Variants in SCUBE1 observed in about 807,000 individuals in gnomAD.
SCUBE1 encodes signal peptide, CUB domain and EGF like domain containing 1.
SCUBE1 carries 59 observed loss-of-function variants against 124.4 expected under a neutral mutation model. That is an observed-to-expected ratio of 0.47 (90% CI 0.38 to 0.59). The LOEUF (loss-of-function observed/expected upper bound fraction) is 0.59. Among genes scored for constraint, SCUBE1 ranks in the 20% least tolerant of loss-of-function variants. SCUBE1 has a pLI of 0.00. For synonymous variants in SCUBE1, 545 were observed against 550.9 expected, an observed-to-expected ratio of 0.99 and a Z score of 0.15; for missense variants, 1,150 against 1,371.2, an observed-to-expected ratio of 0.84 and a Z score of 2.55.
At chr22:43,226,226 C>T (rs139008) in intron 10 of SCUBE1, among the ~76,000 whole-genome samples, 1 of 151,864 alleles carries the variant, frequency 6.6e-6, no homozygotes, top group African/African-American at 2.4e-5. Context: ...GATGGACAGA[C>T]AGACAGACAT....
Position 43,228,982 on chromosome 22 carries a change from C to G in SCUBE1, c.1084+90G>C, listed in dbSNP as rs1200655448. 4.0e-5 allele frequency: 37 copies of G among 914,292 alleles called. No individual in the cohort carries two copies. The Admixed American group carries it at 7.4e-4, about 18-fold the overall frequency. 56.6% of individuals were successfully genotyped at this position (914,292 alleles called of 1,614,324 possible). On this transcript the variant is annotated intron_variant, in intron 9 of 21. Coordinates refer to ENST00000360835, the MANE Select transcript of SCUBE1 (RefSeq NM_173050.5). Reference sequence around the variant, plus strand: ...GCCTCAGGCCCCCCAGGGTTGAGGGCAGGGTTGGGATGCGGGGTGCAGTGT... The same window carrying G: ...GCCTCAGGCCCCCCAGGGTTGAGGGGAGGGTTGGGATGCGGGGTGCAGTGT...
intron 3 of SCUBE1, among the ~76,000 whole-genome samples, chr22:43,299,700 T>C (rs570859676): frequency 6.6e-6 from 1 of 152,334 alleles, no homozygotes; most frequent in African/African-American, 2.4e-5. Flanking sequence ...TTTTAGTATA[T>C]TCACCGTGTT....
chr22:43,316,278 G>C (rs1329146103), intron 3 of SCUBE1, among the ~76,000 whole-genome samples: 1 of 152,200 alleles, frequency 6.6e-6, no homozygotes, highest in Non-Finnish European at 1.5e-5. Flanking sequence ...AGCTGATAGA[G>C]AAGGGCTAGA....
intron 7 of SCUBE1, 60 bp downstream of exon 7, chr22:43,238,778 A>T (rs753226251): frequency 3.6e-6 from 5 of 1,385,662 alleles, no homozygotes; most frequent in Non-Finnish European, 5.1e-6. Flanking sequence ...ATGCAAGCAC[A>T]CGGAGGCTCT....
chr22:43,231,841 G>A lies in SCUBE1; in HGVS notation c.879C>T (p.Cys293=), dbSNP rs763996870. The change falls in exon 8 of 22, where the codon TGC becomes TGT. Residue 293 remains cysteine, a synonymous_variant. Transcript: ENST00000360835. The part of the protein sequence containing the change: ...INECLVNNGG[C]DHFCRNTVGS... ...CCACGGTGTTGCGGCAGAAGTGGTC[G>A]CAGCCTCCGTTGTTGACCAGGCACT... is the stretch of plus-strand genomic sequence containing the variant. The A allele has an allele frequency of 1.2e-5, 20 of 1,613,528 alleles. No individual in the cohort carries two copies. Among genetic ancestry groups the A allele is most frequent in the Admixed American group, 8.3e-5 (5 of 60,008 alleles).
rs117148007 is a variant in SCUBE1 at position 43,198,899 on chromosome 22, G to A, written c.*5098C>T. 1,788 of 375,208 alleles carry A rather than the reference G, an allele frequency of 4.8e-3. 19 individuals carry two copies. The highest frequency in any genetic ancestry group is 0.041 in the East Asian group (562 of 13,692). The allele number at this position is 375,208 out of a possible 1,614,324, so 23.2% of individuals were successfully genotyped here. ...TGGGGCAGTTTGCTGTCTGCTTTCC[G>A]GGGCAGTTTGTCTGTCTGCTGTCTG... On this transcript the variant is annotated 3_prime_UTR_variant, in exon 22 of 22. Transcript: ENST00000360835.
chr22:43,270,439 G>C (rs531210490), intron 4 of SCUBE1: 1 of 152,248 alleles, frequency 6.6e-6, no homozygotes, highest in African/African-American at 2.4e-5. Context: ...TGAACCCAGC[G>C]GACAGAGCTG....
intron 4 of SCUBE1, among the ~76,000 whole-genome samples, chr22:43,268,619 C>T (rs1361532722): frequency 2.0e-5 from 3 of 152,254 alleles, no homozygotes; most frequent in African/African-American, 7.2e-5. Flanking sequence ...CTGCGTGACC[C>T]TGGGCAAGCC....
chr22:43,290,735 G>T (rs1925326278), intron 4 of SCUBE1, among the ~76,000 whole-genome samples: 1 of 152,216 alleles, frequency 6.6e-6, no homozygotes, highest in Non-Finnish European at 1.5e-5. Flanking sequence ...GGAGAATGGG[G>T]CCCCACTCTT....
rs1921495337 is a variant in SCUBE1, at chr22:43,210,447, G to A, written c.2384-207C>T. Among the ~76,000 whole-genome samples, 1 of 152,026 alleles carries A rather than the reference G, an allele frequency of 6.6e-6. No homozygotes were observed. Among genetic ancestry groups the A allele is most frequent in the South Asian group, 2.1e-4 (1 of 4,814 alleles). ...GCAGGAGGGCAGGTCCCCTGTTCAG[G>A]CCTGTGGTTCCCTGAGGCCCAGCCT... On this transcript the variant is annotated intron_variant, in intron 18 of 21. Transcript: ENST00000360835. This position sits in a 1 kb window ranked among gnomAD's most constrained non-coding sequence, Gnocchi z 4.5.
chr22:43,230,955 C>T (rs528265250), intron 8 of SCUBE1, among the ~76,000 whole-genome samples: 10 of 152,286 alleles, frequency 6.6e-5, no homozygotes, highest in African/African-American at 1.4e-4. Flanking sequence ...GCTGGTACCC[C>T]GTGGGCAAAA....
rs776673868 is a variant in SCUBE1, at chr22:43,210,136, G to A, written c.2488C>T (p.Pro830Ser). The A allele has an allele frequency of 2.5e-6, 4 of 1,612,760 alleles. No homozygotes were observed. Among genetic ancestry groups the A allele is most frequent in the South Asian group, 1.1e-5 (1 of 91,022 alleles). ...ANAECVWHIA[P>S]PPKRRILIVV... ...ATGAGGATCCTGCGCTTTGGGGGAG[G>A]CGCGATGTGCCAGACGCATTCAGCG... Residue 830 changes from proline (P) to serine (S), a missense_variant, in exon 19 of 22, where the codon CCT becomes TCT. Transcript: ENST00000360835. This position sits in a 1 kb window ranked among gnomAD's most constrained non-coding sequence, Gnocchi z 4.5.
At chr22:43,320,624 G>C (rs1926511300) in intron 2 of SCUBE1, among the ~76,000 whole-genome samples, 1 of 152,218 alleles carries the variant, frequency 6.6e-6, no homozygotes, top group African/African-American at 2.4e-5. Context: ...AGATACCCTG[G>C]AGAATGATAG....
chr22:43,206,975 T>C (rs1421498969), intron 21 of SCUBE1, among the ~76,000 whole-genome samples: 1 of 152,154 alleles, frequency 6.6e-6, no homozygotes, highest in African/African-American at 2.4e-5. Context: ...AGCGGGAGCG[T>C]TCCAGCCCTG....
intron 4 of SCUBE1, among the ~76,000 whole-genome samples, chr22:43,287,893 G>A (rs1265510993): frequency 6.6e-6 from 1 of 152,196 alleles, no homozygotes; most frequent in Non-Finnish European, 1.5e-5. Flanking sequence ...GGCTCAGAGA[G>A]GTAGACAACC....
Position 43,255,267 on chromosome 22 carries a change from G to T in SCUBE1, c.727+2952C>A. Among the ~76,000 whole-genome samples, 1 of 152,182 alleles carries T rather than the reference G, an allele frequency of 6.6e-6. No homozygotes were observed. The highest frequency in any genetic ancestry group is 1.9e-4 in the East Asian group (1 of 5,188). ...AAAAACTTTAAAAAGGAAAAAGTGA[G>T]TTCACACCTGGAGTGGAGCCCCCCG... On this transcript the variant is annotated intron_variant, in intron 6 of 21. Transcript: ENST00000360835. This position sits in a 1 kb window ranked among gnomAD's most constrained non-coding sequence, Gnocchi z 4.7.
chr22:43,321,669 G>C (rs1368019012), intron 2 of SCUBE1, among the ~76,000 whole-genome samples: 6 of 152,266 alleles, frequency 3.9e-5, no homozygotes, highest in African/African-American at 1.4e-4. Context: ...AGGATCAAGA[G>C]ATAGAAGTCC....
chr22:43,339,697 T>C (rs2744876), intron 1 of SCUBE1, among the ~76,000 whole-genome samples: 60 of 63,328 alleles, frequency 9.5e-4, no homozygotes, highest in Middle Eastern at 0.026. Context: ...CCACAAGCAT[T>C]GCTCCAACCC....
intron 21 of SCUBE1, among the ~76,000 whole-genome samples, chr22:43,206,755 G>A (rs1287901141): frequency 6.6e-6 from 1 of 152,194 alleles, no homozygotes; most frequent in Non-Finnish European, 1.5e-5. Context: ...GTGTCAGGAT[G>A]CTTCCAGTTT....
Sources: allele counts gnomAD v4.1 joint callset (sites outside exome capture counted in the v4.1 genomes callset), GRCh38; gene constraint gnomAD v4.1.1; non-coding constraint Gnocchi (gnomAD v3.1); transcripts MANE v1.5; gene names NCBI Gene and HGNC (gene_info 2026-07-23, HGNC 2026-07-21).